Variants in TCERG1L observed in about 807,000 individuals in gnomAD.
The protein encoded by TCERG1L is transcription elongation regulator 1 like.
TCERG1L carries 37 observed loss-of-function variants against 56.3 expected under a neutral mutation model. The ratio of observed to expected loss-of-function variants is 0.66; its 90% CI spans 0.51 to 0.87. The LOEUF (loss-of-function observed/expected upper bound fraction) is 0.87, where lower values mean the gene tolerates loss of function less well. Among genes scored for constraint, TCERG1L ranks in the 40% least tolerant of loss-of-function variants. The pLI is 0.00. For missense variants in TCERG1L, 799 were observed against 774.2 expected (o/e 1.03, Z -0.38); for synonymous variants, 324 against 326.3 (o/e 0.99, Z 0.08).
chr10:131,287,899 G>A (rs1482644356), intron 3 of TCERG1L, among the ~76,000 whole-genome samples: 1 of 152,176 alleles, frequency 6.6e-6, no homozygotes, highest in Non-Finnish European at 1.5e-5. Flanking sequence ...GGCAGTCTGT[G>A]GGCAAAGTCT....
intron 3 of TCERG1L, among the ~76,000 whole-genome samples, chr10:131,263,188 C>A (rs1236014032): frequency 6.6e-6 from 1 of 152,084 alleles, no homozygotes; most frequent in Non-Finnish European, 1.5e-5. Flanking sequence ...TGTTCCACAT[C>A]CTCAATCTGC....
At chr10:131,289,046 T>C (rs563383205) in intron 3 of TCERG1L, among the ~76,000 whole-genome samples, 8 of 152,316 alleles carry the variant, frequency 5.3e-5, no homozygotes, top group Non-Finnish European at 8.8e-5. Flanking sequence ...AAAGTCAGGG[T>C]TACAGAATTA....
At chr10:131,137,847 G>A (rs768741287) in intron 7 of TCERG1L, among the ~76,000 whole-genome samples, 8 of 152,146 alleles carry the variant, frequency 5.3e-5, no homozygotes, top group African/African-American at 1.7e-4. Context: ...CGTGCACAAC[G>A]GCAGCATAGC....
chr10:131,134,597 C>T (rs1400212006), intron 7 of TCERG1L, 149 bp from the exon 8 acceptor site: 12 of 648,684 alleles, frequency 1.8e-5, no homozygotes, highest in Non-Finnish European at 3.0e-5. Context: ...CTACGAGTTT[C>T]CTCTTGGCAC....
chr10:131,278,331 CTTTTTTCTTTTT>C (rs1319001963), intron 3 of TCERG1L, among the ~76,000 whole-genome samples: 1 of 148,822 alleles, frequency 6.7e-6, no homozygotes, highest in Non-Finnish European at 1.5e-5. Flanking sequence ...ATCGTCTTTT[CTTTTTTCTTTTT>C]TTTTTTTTTT....
At chr10:131,262,072 G>A (rs551607655) in intron 3 of TCERG1L, among the ~76,000 whole-genome samples, 1 of 152,168 alleles carries the variant, frequency 6.6e-6, no homozygotes, top group Admixed American at 6.5e-5. Flanking sequence ...ATGAGGAAGT[G>A]GGGGGTGAGG....
At chr10:131,276,602 T>C (rs997534955) in intron 3 of TCERG1L, among the ~76,000 whole-genome samples, 2 of 152,244 alleles carry the variant, frequency 1.3e-5, no homozygotes, top group African/African-American at 4.8e-5. Flanking sequence ...TAGACAGCGA[T>C]GCAATCAGCC....
At chr10:131,284,286 TTGAA>T (rs1396010622) in intron 3 of TCERG1L, among the ~76,000 whole-genome samples, 10 of 152,222 alleles carry the variant, frequency 6.6e-5, no homozygotes, top group Non-Finnish European at 1.0e-4. Flanking sequence ...TAGAAATTAA[TTGAA>T]TGGGAATTCC....
intron 4 of TCERG1L, among the ~76,000 whole-genome samples, chr10:131,223,093 A>G (rs1408391143): frequency 6.6e-6 from 1 of 152,156 alleles, no homozygotes; most frequent in Non-Finnish European, 1.5e-5. Context: ...ACGAGATCCC[A>G]GAGGATGCCG....
chr10:131,170,854 G>A (rs1012346654), intron 4 of TCERG1L, among the ~76,000 whole-genome samples: 5 of 152,062 alleles, frequency 3.3e-5, no homozygotes, highest in African/African-American at 7.2e-5. Flanking sequence ...ATCTCTTTAA[G>A]AAAAGTGTGG....
rs1016622518 is a variant in TCERG1L at position 131,267,195 on chromosome 10, G to A, written c.671-6751C>T. On this transcript the variant is annotated intron_variant, in intron 3 of 11. Coordinates refer to ENST00000368642, the MANE Select transcript of TCERG1L (RefSeq NM_174937.4). The surrounding 1 kb of genome is among the most constrained non-coding windows in gnomAD (Gnocchi z 4.9). Reference sequence around the variant, plus strand: ...AGCCCCGTCTCAGCCTCCCACCTGCGCTCATTGGTGCCCAAAGTCCAGAGA... The same window carrying A: ...AGCCCCGTCTCAGCCTCCCACCTGCACTCATTGGTGCCCAAAGTCCAGAGA... Among the ~76,000 whole-genome samples the A allele has an allele frequency of 1.3e-5, 2 of 152,252 alleles. No homozygotes were observed. Among genetic ancestry groups the A allele is most frequent in the South Asian group, 2.1e-4 (1 of 4,820 alleles).
chr10:131,143,224 C>T (rs1845756826), intron 7 of TCERG1L, among the ~76,000 whole-genome samples: 1 of 152,148 alleles, frequency 6.6e-6, no homozygotes, highest in Admixed American at 6.5e-5. Context: ...GGAGGGAAGT[C>T]CACGGAACCA....
chr10:131,246,106 C>G (rs2918171), intron 4 of TCERG1L, among the ~76,000 whole-genome samples: 148,777 of 152,216 alleles, frequency 0.98, 72,806 homozygotes, highest in Middle Eastern at 1. Flanking sequence ...CACCTCCTGG[C>G]TACAGGGCCC....
intron 4 of TCERG1L, among the ~76,000 whole-genome samples, chr10:131,254,087 G>A (rs148970496): frequency 6.6e-6 from 1 of 152,136 alleles, no homozygotes; most frequent in Non-Finnish European, 1.5e-5. Context: ...GAGACACCAG[G>A]GGGTGGAGGA....
chr10:131,265,146 G>A (rs1001028669), intron 3 of TCERG1L, among the ~76,000 whole-genome samples: 2 of 152,152 alleles, frequency 1.3e-5, no homozygotes, highest in Admixed American at 1.3e-4. Flanking sequence ...GACTGATGGT[G>A]TTTTACAAGG....
chr10:131,158,787 C>A (rs186712963), intron 6 of TCERG1L, among the ~76,000 whole-genome samples: 4 of 152,350 alleles, frequency 2.6e-5, no homozygotes, highest in African/African-American at 9.6e-5. Context: ...CGGACCATCG[C>A]AGAGAGGATG....
rs116133029 is a variant in TCERG1L at position 131,277,290 on chromosome 10, G to A, written c.671-16846C>T. 7.3e-3 allele frequency among the ~76,000 whole-genome samples: 1,106 copies of A among 152,306 alleles called. 18 individuals are homozygous for A. Among genetic ancestry groups the A allele is most frequent in the African/African-American group, 0.025 (1,039 of 41,554 alleles). On this transcript the variant is annotated intron_variant, in intron 3 of 11. Coordinates refer to ENST00000368642, the MANE Select transcript of TCERG1L (RefSeq NM_174937.4). ...TTGGCGAGGTTCTGGAACTTACAAA[G>A]GAGATGTGAGTTCATTATGTGAACC... is the stretch of plus-strand genomic sequence containing the variant.
At chr10:131,252,047 G>C (rs147893092) in intron 4 of TCERG1L, among the ~76,000 whole-genome samples, 1 of 152,164 alleles carries the variant, frequency 6.6e-6, no homozygotes, top group South Asian at 2.1e-4. Flanking sequence ...ACTGACCATC[G>C]TGTCCTCAAG....
intron 6 of TCERG1L, chr10:131,160,618 C>T (rs1845966762): frequency 1.3e-5 from 2 of 152,176 alleles, no homozygotes; most frequent in African/African-American, 4.8e-5. Flanking sequence ...ACCAAGCTAC[C>T]TCCCACGTGG....
Sources: gnomAD v4.1 joint callset for allele counts (sites outside exome capture counted in the v4.1 genomes callset) on GRCh38, gnomAD v4.1.1 for gene constraint, Gnocchi (gnomAD v3.1) non-coding constraint, MANE v1.5 for transcripts, NCBI Gene and HGNC (gene_info 2026-07-23, HGNC 2026-07-21) for gene names.